SPRYD3: variants seen among roughly 807,000 people sequenced by gnomAD.
SPRYD3 encodes SPRY domain containing 3, also known as SPRY domain-containing protein 3.
A neutral mutation model predicts 50.1 loss-of-function variants in SPRYD3; 17 were observed. The ratio of observed to expected loss-of-function variants is 0.34; its 90% CI spans 0.23 to 0.51. SPRYD3 has a LOEUF of 0.51. Among genes scored for constraint, SPRYD3 ranks in the 20% least tolerant of loss-of-function variants. SPRYD3 has a pLI of 0.97. For synonymous variants in SPRYD3, 198 were observed against 215.5 expected, an observed-to-expected ratio of 0.92 and a Z score of 0.71; for missense variants, 401 against 591.2, an observed-to-expected ratio of 0.68 and a Z score of 3.34.
chr12:53,068,367 C>A, intron 6 of SPRYD3, 63 bp from the exon 7 acceptor site: 1 of 1,585,286 alleles, frequency 6.3e-7, no homozygotes. Flanking sequence ...GAAACCTGGG[C>A]CCAAGGCAGT....
rs148959075 is a variant in SPRYD3 at position 53,075,419 on chromosome 12, A to G, written c.247-200T>C. Among the ~76,000 whole-genome samples, 42 of 152,262 alleles carry G rather than the reference A, an allele frequency of 2.8e-4. 1 individual carries two copies. In the East Asian group the frequency reaches 7.3e-3, roughly 27 times the overall value. ...CTATTTCACTTAGAAAATTACTCCAAAGCTTTGGAGAAAGATAGGACTCAC... is the reference window on the plus strand; with the variant it reads ...CTATTTCACTTAGAAAATTACTCCAGAGCTTTGGAGAAAGATAGGACTCAC... On this transcript the variant is annotated intron_variant, in intron 3 of 10. Transcript: ENST00000301463.
chr12:53,079,194 A>G lies in SPRYD3; in HGVS notation c.23+117T>C, dbSNP rs1236987521. 59 of 1,088,642 alleles carry G rather than the reference A, an allele frequency of 5.4e-5. No individual in the cohort carries two copies. The East Asian group carries it at 1.5e-3, about 27-fold the overall frequency. 67.4% of individuals were successfully genotyped at this position (1,088,642 alleles called of 1,614,324 possible). ...GTGCAGCAACAGAAGAAGCCCAGTG[A>G]CCAGAGCGCAGGGCCCCGCCCCTGG... is the stretch of plus-strand genomic sequence containing the variant. On this transcript the variant is annotated intron_variant, in intron 1 of 10. Transcript: ENST00000301463.
chr12:53,073,587 G>A, intron 5 of SPRYD3, 116 bp from the exon 6 acceptor site: 1 of 771,532 alleles, frequency 1.3e-6, no homozygotes, highest in South Asian at 1.9e-5. Context: ...GCTCACGCCT[G>A]TAATCCCAGC....
chr12:53,076,495 C>G (rs1236355501), intron 2 of SPRYD3, among the ~76,000 whole-genome samples: 1 of 152,204 alleles, frequency 6.6e-6, no homozygotes, highest in Non-Finnish European at 1.5e-5. Flanking sequence ...GATCTAATCC[C>G]TGAGACAGTG....
intron 3 of SPRYD3, 94 bp from the exon 4 acceptor site, chr12:53,075,313 T>G: frequency 7.4e-7 from 1 of 1,354,312 alleles, no homozygotes; most frequent in Non-Finnish European, 1.0e-6. Context: ...TAAAGGGCGC[T>G]GAGGCTCAAA....
chr12:53,075,691 C>T, intron 3 of SPRYD3, 45 bp downstream of exon 3: 1 of 1,464,080 alleles, frequency 6.8e-7, no homozygotes, highest in Non-Finnish European at 9.6e-7. Flanking sequence ...AATGATCTCA[C>T]CCCCAAGCTC....
chr12:53,066,215 C>G, intron 10 of SPRYD3, 99 bp downstream of exon 10: 2 of 1,542,314 alleles, frequency 1.3e-6, no homozygotes, highest in Admixed American at 1.8e-5. Flanking sequence ...CAGAGCTTCC[C>G]GTCTTTCCCA....
In SPRYD3 at chr12:53,073,271, C is replaced by T. The variant is rs776033374; in HGVS notation, c.693+15G>A. 2 of 281,716 alleles carry T rather than the reference C, an allele frequency of 7.1e-6. No individual in the cohort carries two copies. The highest frequency in any genetic ancestry group is 1.6e-5 in the Non-Finnish European group (2 of 126,250). 17.5% of individuals were successfully genotyped at this position (281,716 alleles called of 1,614,324 possible). A position where few individuals can be genotyped will look rare whatever the true frequency, so the allele number is the denominator to read the frequency against. ...CTCCGACCCAGCCCCTCCCACCCTC[C>T]CACCCGCTACTTACAGTCCCACAGA... On this transcript the variant is annotated intron_variant, in intron 6 of 10. Coordinates refer to ENST00000301463, the MANE Select transcript of SPRYD3 (RefSeq NM_032840.3).
At position 53,074,515 on chromosome 12, in the gene SPRYD3, C is replaced by G. The variant is rs781477270; in HGVS notation, c.507+134G>C. On this transcript the variant is annotated intron_variant, in intron 5 of 10. Transcript: ENST00000301463. The surrounding 1 kb of genome is among the most constrained non-coding windows in gnomAD (Gnocchi z 4.6). ...CAAGAGACTTCAGGAGAATCTGAGG[C>G]TGGACTGGAGGAGATGGGAACTCAG... 1 of 1,064,620 alleles carries G rather than the reference C, an allele frequency of 9.4e-7. No homozygotes were observed. Among genetic ancestry groups the G allele is most frequent in the African/African-American group, 1.6e-5 (1 of 63,150 alleles). The allele number at this position is 1,064,620 out of a possible 1,614,324, so 65.9% of individuals were successfully genotyped here.
intron 6 of SPRYD3, 132 bp from the exon 7 acceptor site, chr12:53,068,436 G>C (rs900608236): frequency 1.2e-5 from 13 of 1,111,188 alleles, no homozygotes; most frequent in Non-Finnish European, 1.7e-5. Context: ...AAGAATCCTA[G>C]AGATACAATG....
At chr12:53,075,703 C>G in intron 3 of SPRYD3, 33 bp downstream of exon 3, 1 of 1,569,666 alleles carries the variant, frequency 6.4e-7, no homozygotes, top group Non-Finnish European at 8.8e-7. Context: ...CCCAAGCTCA[C>G]CCCCTGCTCT....
Position 53,079,348 on chromosome 12 carries a change from G to C in SPRYD3, c.-15C>G. On this transcript the variant is annotated 5_prime_UTR_variant, in exon 1 of 11. Transcript: ENST00000301463. Reference sequence around the variant, plus strand: ...GTCCTCCTCATCCATAGGCCTCTCAGCTCCGCACACAAGCTCTTCGGCCGC... The same window carrying C: ...GTCCTCCTCATCCATAGGCCTCTCACCTCCGCACACAAGCTCTTCGGCCGC... The C allele has an allele frequency of 6.2e-7, 1 of 1,605,940 alleles. No homozygotes were observed. The highest frequency in any genetic ancestry group is 8.5e-7 in the Non-Finnish European group (1 of 1,176,736).
intron 2 of SPRYD3, 40 bp from the exon 3 acceptor site, chr12:53,075,851 G>A (rs1342861416): frequency 6.5e-7 from 1 of 1,547,244 alleles, no homozygotes; most frequent in South Asian, 1.1e-5. Context: ...TAGCAGCCTA[G>A]CCCAAGAGTA....
intron 1 of SPRYD3, among the ~76,000 whole-genome samples, chr12:53,077,764 G>T (rs534923043): frequency 1.3e-5 from 2 of 152,318 alleles, no homozygotes; most frequent in South Asian, 4.1e-4. Flanking sequence ...TGGTATATAG[G>T]GAATGTGAGG....
rs760768079 is a variant in SPRYD3, at chr12:53,073,409, G to A, written c.570C>T (p.Ser190=). The change falls in exon 6 of 11, where the codon TCC becomes TCT. Residue 190 remains serine, a synonymous_variant. Transcript: ENST00000301463. ...DGLFPAVGMH[S]LGEEVRLHLN... is the part of the protein sequence containing the mutation. ...GGTGCAGCCGCACCTCCTCACCCAG[G>A]GAGTGCATGCCCACTGCTGGGAACA... is the stretch of plus-strand genomic sequence containing the variant. 8 of 1,578,166 alleles carry A rather than the reference G, an allele frequency of 5.1e-6. No homozygotes were observed. The highest frequency in any genetic ancestry group is 6.0e-6 in the Non-Finnish European group (7 of 1,161,700).
At position 53,066,588 on chromosome 12, in the gene SPRYD3, T is replaced by G; in HGVS notation, c.1006A>C (p.Ile336Leu). The change falls in exon 9 of 11, where the codon ATT becomes CTT. Residue 336 changes from isoleucine (I) to leucine (L), a missense_variant. Transcript: ENST00000301463. ...CCCCACTCACCCTCACTGTCCAAAA[T>G]GTAGTCCCGGGGGAACATGATTCCA... ...GCGIMFPRDY[I>L]LDSEGDSDDS... The G allele has an allele frequency of 6.2e-7, 1 of 1,613,890 alleles. No homozygotes were observed. The highest frequency in any genetic ancestry group is 8.5e-7 in the Non-Finnish European group (1 of 1,179,904).
intron 6 of SPRYD3, among the ~76,000 whole-genome samples, chr12:53,072,206 C>T (rs1416739790): frequency 6.6e-6 from 1 of 152,088 alleles, no homozygotes; most frequent in African/African-American, 2.4e-5. Context: ...ATGAGAGTCA[C>T]GGAGTGGGCA....
chr12:53,071,531 C>A (rs1341069763), intron 6 of SPRYD3, among the ~76,000 whole-genome samples: 2 of 151,974 alleles, frequency 1.3e-5, no homozygotes, highest in Admixed American at 6.6e-5. Flanking sequence ...GGGAAGAATT[C>A]CACTCAAGAA....
rs565255841 is a variant in SPRYD3, at chr12:53,067,156, G to T, written c.902-464C>A. 4.0e-5 allele frequency among the ~76,000 whole-genome samples: 6 copies of T among 150,700 alleles called. No individual in the cohort carries two copies. The South Asian group carries it at 1.3e-3, about 32-fold the overall frequency. ...TTGGAGCGAGATATATGGGAAGGGGGCACCAAATAAAATAAAGAGACGTAG... is the reference window on the plus strand; with the variant it reads ...TTGGAGCGAGATATATGGGAAGGGGTCACCAAATAAAATAAAGAGACGTAG... On this transcript the variant is annotated intron_variant, in intron 8 of 10. Transcript: ENST00000301463.
Sources: allele counts gnomAD v4.1 joint callset (sites outside exome capture counted in the v4.1 genomes callset), GRCh38; gene constraint gnomAD v4.1.1; non-coding constraint Gnocchi (gnomAD v3.1); transcripts MANE v1.5; gene names NCBI Gene and HGNC (gene_info 2026-07-23, HGNC 2026-07-21).